The following ZNF254 variants were observed in gnomAD, a reference collection of about 807,000 sequenced individuals.
ZNF254 encodes the protein zinc finger protein 254, also known as CTD-2017D11.1.
Under a neutral mutation model 12.4 loss-of-function variants are expected in ZNF254, and 10 were observed. That is an observed-to-expected ratio of 0.80 (90% CI 0.50 to 1.36). The LOEUF (loss-of-function observed/expected upper bound fraction) is 1.36. ZNF254 is among the 40% of genes most tolerant of loss of function. ZNF254 has a pLI of 0.00. For synonymous variants in ZNF254, 305 were observed against 253.4 expected (o/e 1.20, Z -1.93); for missense variants, 996 against 763.9 (o/e 1.30, Z -3.58).
chr19:24,109,720 CTT>C (rs59907004), intron 3 of ZNF254, among the ~76,000 whole-genome samples: 62 of 132,296 alleles, frequency 4.7e-4, no homozygotes, highest in African/African-American at 1.2e-3. Flanking sequence ...CTTTTCTTTT[CTT>C]TTTTTTTTTT....
At chr19:24,116,248 G>A (rs1343491921) in intron 3 of ZNF254, among the ~76,000 whole-genome samples, 2 of 152,076 alleles carry the variant, frequency 1.3e-5, no homozygotes, top group Non-Finnish European at 2.9e-5. Context: ...GGCCTGCCTT[G>A]CTAGATTAGG....
intron 3 of ZNF254, among the ~76,000 whole-genome samples, chr19:24,124,054 C>T (rs1974666084): frequency 6.6e-6 from 1 of 151,772 alleles, no homozygotes; most frequent in African/African-American, 2.4e-5. Flanking sequence ...GCATCTTTGT[C>T]TTTTATTCTC....
intron 1 of ZNF254, among the ~76,000 whole-genome samples, chr19:24,041,099 G>A (rs934572216): frequency 2.0e-5 from 3 of 152,254 alleles, no homozygotes; most frequent in Non-Finnish European, 4.4e-5. Context: ...CAGGCTTCCA[G>A]TTAGGATACA....
intron 3 of ZNF254, among the ~76,000 whole-genome samples, chr19:24,109,022 G>A (rs900176851): frequency 2.0e-5 from 3 of 152,214 alleles, no homozygotes; most frequent in African/African-American, 7.2e-5. Flanking sequence ...GGGCATGGCG[G>A]CACGCGCCTG....
At chr19:24,116,275 A>T (rs1292090634) in intron 3 of ZNF254, among the ~76,000 whole-genome samples, 3 of 152,122 alleles carry the variant, frequency 2.0e-5, no homozygotes, top group African/African-American at 7.2e-5. Context: ...CTCCTGGATA[A>T]TATCCTGCAG....
chr19:24,060,353 CT>C (rs1333854314), intron 2 of ZNF254, among the ~76,000 whole-genome samples: 1 of 152,206 alleles, frequency 6.6e-6, no homozygotes, highest in Non-Finnish European at 1.5e-5. Context: ...CACAGAAAAA[CT>C]AACACATCAC....
At chr19:24,097,582 G>C (rs1972746620) in intron 1 of ZNF254, among the ~76,000 whole-genome samples, 1 of 151,986 alleles carries the variant, frequency 6.6e-6, no homozygotes, top group Admixed American at 6.6e-5. Flanking sequence ...GGGAGTTCGA[G>C]ACCATCCTGA....
intron 3 of ZNF254, among the ~76,000 whole-genome samples, chr19:24,107,608 T>C (rs1332546409): frequency 6.6e-6 from 1 of 152,166 alleles, no homozygotes; most frequent in African/African-American, 2.4e-5. Context: ...ATATATATGA[T>C]TACATGATCT....
intron 2 of ZNF254, among the ~76,000 whole-genome samples, chr19:24,077,785 T>A (rs1485098219): frequency 2.0e-5 from 3 of 152,076 alleles, no homozygotes; most frequent in African/African-American, 7.2e-5. Flanking sequence ...GGTGTGTGTG[T>A]CTAAAGGAGT....
intron 2 of ZNF254, among the ~76,000 whole-genome samples, chr19:24,067,946 A>G (rs867314230): frequency 2.0e-5 from 3 of 152,120 alleles, no homozygotes; most frequent in African/African-American, 7.2e-5. Flanking sequence ...ACCCTGCCAC[A>G]AGGGAATTGT....
chr19:24,084,145 T>TTA (rs918378650), upstream of ZNF254, among the ~76,000 whole-genome samples: 11 of 147,766 alleles, frequency 7.4e-5, no homozygotes, highest in African/African-American at 1.7e-4. Context: ...CACATTTTCT[T>TTA]TATATATATA....
intron 2 of ZNF254, among the ~76,000 whole-genome samples, chr19:24,054,485 C>T (rs948841077): frequency 2.0e-5 from 3 of 152,144 alleles, no homozygotes; most frequent in African/African-American, 7.2e-5. Context: ...AAAGAATTGC[C>T]ACACTCTAAC....
Position 24,128,228 on chromosome 19 carries a change from C to A in ZNF254, c.*248C>A. ...AAACTACCAGTGTGAACAACGTGGC[C>A]AAGCTTCGACAATGCTCACACCCTA... On this transcript the variant is annotated 3_prime_UTR_variant, in exon 4 of 4. Transcript: ENST00000357002. The A allele has an allele frequency of 2.4e-6, 1 of 410,716 alleles. No individual in the cohort carries two copies. The highest frequency in any genetic ancestry group is 4.3e-6 in the Non-Finnish European group (1 of 234,740). 25.4% of individuals were successfully genotyped at this position (410,716 alleles called of 1,614,324 possible).
intron 2 of ZNF254, among the ~76,000 whole-genome samples, chr19:24,070,897 C>T (rs1971456577): frequency 6.6e-6 from 1 of 152,160 alleles, no homozygotes; most frequent in African/African-American, 2.4e-5. Context: ...TATGCCCTGC[C>T]CACATGGGCT....
chr19:24,107,022 G>A (rs1357276315), intron 3 of ZNF254: 2 of 459,394 alleles, frequency 4.4e-6, no homozygotes, highest in Non-Finnish European at 7.6e-6. Context: ...TCTGAAATGT[G>A]TGAGAGTAGT....
Position 24,127,607 on chromosome 19 carries a change from A to G in ZNF254, c.1607A>G (p.His536Arg), listed in dbSNP as rs145771489. Reference protein sequence around the residue: ...AFNWSSTLTKHKIIHTEEKPY... With the variant: ...AFNWSSTLTKRKIIHTEEKPY... ...AACTGGTCCTCAACTCTTACTAAAC[A>G]TAAGATAATTCATACTGAAGAGAAA... Residue 536 changes from histidine to arginine, a missense_variant, in exon 4 of 4, where the codon CAT becomes CGT. Physicochemically the swap from His to Arg is conservative, Grantham distance 29. Coordinates refer to ENST00000357002, the MANE Select transcript of ZNF254 (RefSeq NM_203282.4). 1.4e-5 allele frequency: 22 copies of G among 1,608,372 alleles called. No homozygotes were observed. Among genetic ancestry groups the G allele is most frequent in the Admixed American group, 1.7e-5 (1 of 59,190 alleles).
intron 2 of ZNF254, among the ~76,000 whole-genome samples, chr19:24,048,690 G>T (rs2145278743): frequency 6.8e-6 from 1 of 147,138 alleles, no homozygotes. Context: ...GTTGGTTTTT[G>T]TTTTTTGGGT....
At position 24,036,047 on chromosome 19, in the gene ZNF254, CTTTTGTTTTG is replaced by C. The variant is rs74635617; in HGVS notation, c.-190+2446_-190+2455del. 2.7e-4 allele frequency among the ~76,000 whole-genome samples: 41 copies of C among 151,190 alleles called. No individual in the cohort carries two copies. The East Asian group carries it at 3.5e-3, about 13-fold the overall frequency. On this transcript the variant is annotated intron_variant, in intron 1 of 4. Transcript: ENST00000613065. ...CAAACTGGTAAATGCAAGTATAATGCTTTTGTTTTGTTTTGTTTTGTTTTGTTTTTTTGAG... is the reference window on the plus strand; with the variant it reads ...CAAACTGGTAAATGCAAGTATAATGCTTTTGTTTTGTTTTGTTTTTTTGAG...
At chr19:24,072,276 A>T (rs377719237) in intron 2 of ZNF254, among the ~76,000 whole-genome samples, 46 of 151,872 alleles carry the variant, frequency 3.0e-4, no homozygotes, top group African/African-American at 1.1e-3. Flanking sequence ...GGTTCAAGCA[A>T]TTCTCCTGCC....
Sources: allele counts gnomAD v4.1 joint callset (sites outside exome capture counted in the v4.1 genomes callset), GRCh38; gene constraint gnomAD v4.1.1; transcripts MANE v1.5; gene names NCBI Gene and HGNC (gene_info 2026-07-23, HGNC 2026-07-21).